Variants in CLVS1 observed in about 807,000 individuals in gnomAD.
CLVS1 encodes the protein clavesin-1.
A neutral mutation model predicts 33.1 loss-of-function variants in CLVS1; 10 were observed. The ratio of observed to expected loss-of-function variants is 0.30; its 90% CI spans 0.19 to 0.51. CLVS1 has a LOEUF of 0.51. Ranked by LOEUF, CLVS1 falls within the 20% of genes least tolerant of loss-of-function variation. CLVS1 has a pLI of 0.97. For missense variants in CLVS1, 343 were observed against 433.4 expected (o/e 0.79, Z 1.85); for synonymous variants, 163 against 166.1 (o/e 0.98, Z 0.14).
chr8:61,045,094 A>C, the CLVS1 span, among the ~76,000 whole-genome samples: 1 of 152,242 alleles, frequency 6.6e-6, no homozygotes, highest in African/African-American at 2.4e-5. Flanking sequence ...GAGGCTATGC[A>C]TGAGCCCAGC....
chr8:61,303,924 G>A (rs557626770), intron 2 of CLVS1, among the ~76,000 whole-genome samples: 1 of 152,288 alleles, frequency 6.6e-6, no homozygotes, highest in South Asian at 2.1e-4. Flanking sequence ...GAGGACAGAT[G>A]GTAAAATGAA....
At chr8:61,205,833 A>G (rs1807827479) in intron 2 of CLVS1, among the ~76,000 whole-genome samples, 1 of 152,200 alleles carries the variant, frequency 6.6e-6, no homozygotes, top group Admixed American at 6.5e-5. Context: ...TCTTAACACT[A>G]AACTTAAAAT....
At chr8:61,025,720 G>T in the CLVS1 span, among the ~76,000 whole-genome samples, 1 of 151,998 alleles carries the variant, frequency 6.6e-6, no homozygotes, top group African/African-American at 2.4e-5. Context: ...CTGCATTCTT[G>T]TCAGGGTTTG....
intron 1 of CLVS1, among the ~76,000 whole-genome samples, chr8:61,069,915 C>T (rs1405183352): frequency 6.6e-6 from 1 of 152,156 alleles, no homozygotes; most frequent in African/African-American, 2.4e-5. Context: ...TCTCGTGCCT[C>T]AGCCTCTCAA....
intron 2 of CLVS1, among the ~76,000 whole-genome samples, chr8:61,174,078 T>C (rs531031424): frequency 6.6e-6 from 1 of 152,208 alleles, no homozygotes; most frequent in Non-Finnish European, 1.5e-5. Context: ...TCTGAAACAA[T>C]ACAATAGTTT....
At chr8:61,482,642 G>T (rs572770676) in intron 5 of CLVS1, among the ~76,000 whole-genome samples, 2 of 152,298 alleles carry the variant, frequency 1.3e-5, no homozygotes, top group African/African-American at 4.8e-5. Context: ...GAAGTGAGAA[G>T]AGAAATTTAG....
At chr8:61,308,404 ATGGAG>A (rs1810707756) in intron 2 of CLVS1, among the ~76,000 whole-genome samples, 2 of 152,246 alleles carry the variant, frequency 1.3e-5, no homozygotes, top group South Asian at 4.2e-4. Flanking sequence ...CAAAATATCC[ATGGAG>A]CTTCTGAAAG....
chr8:61,217,328 G>T (rs1394893349), intron 2 of CLVS1, among the ~76,000 whole-genome samples: 1 of 152,164 alleles, frequency 6.6e-6, no homozygotes, highest in African/African-American at 2.4e-5. Context: ...AGTGCAGATT[G>T]TGACTTTTTA....
chr8:61,025,881 C>T, the CLVS1 span, among the ~76,000 whole-genome samples: 1 of 152,182 alleles, frequency 6.6e-6, no homozygotes, highest in African/African-American at 2.4e-5. Flanking sequence ...GAAACACAGG[C>T]AAGAGCTAGC....
At chr8:61,460,026 A>G (rs963939100) in intron 5 of CLVS1, among the ~76,000 whole-genome samples, 1 of 152,168 alleles carries the variant, frequency 6.6e-6, no homozygotes, top group African/African-American at 2.4e-5. Context: ...TGACCCACCC[A>G]TAGAACCTCG....
intron 2 of CLVS1, among the ~76,000 whole-genome samples, chr8:61,281,783 G>T (rs180956415): frequency 2.0e-5 from 3 of 152,112 alleles, no homozygotes; most frequent in Admixed American, 6.5e-5. Flanking sequence ...CTTATCTCCT[G>T]TATCCCAACC....
upstream of CLVS1, among the ~76,000 whole-genome samples, chr8:61,287,343 G>A (rs1250616237): frequency 6.6e-6 from 1 of 151,830 alleles, no homozygotes; most frequent in Non-Finnish European, 1.5e-5. Flanking sequence ...TTTCTAAAAG[G>A]CTGTTAGTGT....
chr8:61,101,315 T>C (rs779710724), intron 1 of CLVS1, among the ~76,000 whole-genome samples: 20 of 152,200 alleles, frequency 1.3e-4, no homozygotes, highest in Non-Finnish European at 7.4e-5. Context: ...TTTGCATTTC[T>C]TTGATGGTTA....
chr8:60,965,123 G>C, the CLVS1 span: 1 of 152,148 alleles, frequency 6.6e-6, no homozygotes, highest in African/African-American at 2.4e-5. Context: ...TGTGAGGTCC[G>C]GCCTGAGGCC....
At chr8:61,058,521 G>A (rs954555327) in intron 1 of CLVS1, among the ~76,000 whole-genome samples, 17 of 152,186 alleles carry the variant, frequency 1.1e-4, no homozygotes, top group African/African-American at 3.6e-4. Flanking sequence ...TAAAAATGGA[G>A]GGCATGTACT....
At chr8:61,319,842 T>C (rs1811133722) in intron 2 of CLVS1, among the ~76,000 whole-genome samples, 1 of 152,192 alleles carries the variant, frequency 6.6e-6, no homozygotes. Flanking sequence ...TCACCTTTTT[T>C]CTTTCATTTT....
At chr8:61,454,315 C>T (rs983063394) in intron 4 of CLVS1, 64 bp downstream of exon 4, 1 of 1,108,176 alleles carries the variant, frequency 9.0e-7, no homozygotes, top group Non-Finnish European at 1.4e-6. Context: ...TTTTCTCTCT[C>T]CCCTCCTCTC....
At chr8:61,207,117 T>C (rs1328362978) in intron 2 of CLVS1, among the ~76,000 whole-genome samples, 5 of 152,146 alleles carry the variant, frequency 3.3e-5, no homozygotes, top group Non-Finnish European at 7.4e-5. Context: ...TGCCTTAGCA[T>C]CGCAAATATT....
At chr8:61,047,590 C>T in the CLVS1 span, among the ~76,000 whole-genome samples, 2 of 152,198 alleles carry the variant, frequency 1.3e-5, no homozygotes, top group East Asian at 1.9e-4. Flanking sequence ...GGCACATATA[C>T]ACCATGGAAT....
Sources: gnomAD v4.1 joint callset for allele counts (sites outside exome capture counted in the v4.1 genomes callset) on GRCh38, gnomAD v4.1.1 for gene constraint, MANE v1.5 for transcripts, NCBI Gene and HGNC (gene_info 2026-07-23, HGNC 2026-07-21) for gene names.